CCDC102B: variants seen among roughly 807,000 people sequenced by gnomAD.
The protein encoded by CCDC102B is coiled-coil domain-containing protein 102B.
CCDC102B carries 75 observed loss-of-function variants against 57.4 expected under a neutral mutation model. The observed-to-expected ratio is 1.31, with a 90% CI of 1.08 to 1.58. CCDC102B has a LOEUF of 1.58. Ranked by LOEUF, CCDC102B falls within the 40% of genes most tolerant of loss-of-function variation. The pLI is 0.00. For synonymous variants in CCDC102B, 206 were observed against 201.9 expected (o/e 1.02, Z -0.17); for missense variants, 636 against 582.6 (o/e 1.09, Z -0.94).
chr18:68,861,605 T>C (rs1475652997), intron 4 of CCDC102B, among the ~76,000 whole-genome samples: 1 of 152,312 alleles, frequency 6.6e-6, no homozygotes, highest in East Asian at 1.9e-4. Flanking sequence ...CTGTGAATTA[T>C]GAGGTTTTCC....
intron 4 of CCDC102B, among the ~76,000 whole-genome samples, chr18:68,861,337 A>T (rs1402260750): frequency 1.3e-5 from 2 of 150,500 alleles, no homozygotes; most frequent in Non-Finnish European, 3.0e-5. Context: ...TTTTTCTATT[A>T]ATTTGCATGA....
chr18:68,966,289 A>G (rs765008501), intron 6 of CCDC102B, among the ~76,000 whole-genome samples: 6 of 152,042 alleles, frequency 3.9e-5, no homozygotes, highest in Non-Finnish European at 7.4e-5. Flanking sequence ...TCTTGTTCTG[A>G]TGACTGCCTT....
intron 6 of CCDC102B, among the ~76,000 whole-genome samples, chr18:68,948,636 T>G (rs1029251669): frequency 7.9e-5 from 12 of 152,050 alleles, no homozygotes; most frequent in Admixed American, 2.0e-4. Context: ...CTCTGCTAAC[T>G]TCCCCATTTC....
At chr18:68,766,988 CAG>C (rs77696035) in intron 2 of CCDC102B, among the ~76,000 whole-genome samples, 19,984 of 152,078 alleles carry the variant, frequency 0.13, 1,574 homozygotes, top group East Asian at 0.3. Context: ...AATGTTAAAA[CAG>C]AGATATTAAA....
At chr18:68,729,250 C>A (rs1332482537) in intron 2 of CCDC102B, among the ~76,000 whole-genome samples, 1 of 152,154 alleles carries the variant, frequency 6.6e-6, no homozygotes, top group Non-Finnish European at 1.5e-5. Context: ...GGATAGATAA[C>A]ATCACAAGAT....
chr18:68,726,708 C>T (rs369891226), intron 2 of CCDC102B, among the ~76,000 whole-genome samples: 2 of 152,162 alleles, frequency 1.3e-5, no homozygotes, highest in Non-Finnish European at 2.9e-5. Context: ...TTGAATTCCT[C>T]CCTGCATATT....
intron 6 of CCDC102B, among the ~76,000 whole-genome samples, chr18:68,920,436 A>C (rs559246436): frequency 8.3e-4 from 126 of 152,234 alleles, no homozygotes; most frequent in African/African-American, 2.9e-3. Context: ...GTCCACTTTT[A>C]GGTACTGTGG....
At chr18:68,807,964 C>T (rs897853726) in intron 1 of CCDC102B, among the ~76,000 whole-genome samples, 1 of 151,962 alleles carries the variant, frequency 6.6e-6, no homozygotes, top group Non-Finnish European at 1.5e-5. Context: ...CAGGGATGAA[C>T]GTTTCACTAG....
chr18:68,742,060 C>T (rs1443581433), intron 2 of CCDC102B, among the ~76,000 whole-genome samples: 1 of 152,188 alleles, frequency 6.6e-6, no homozygotes, highest in Non-Finnish European at 1.5e-5. Flanking sequence ...CAAGTGACTA[C>T]AAACTGGTGG....
At chr18:69,017,062 T>G (rs181365369) in intron 7 of CCDC102B, among the ~76,000 whole-genome samples, 118 of 143,930 alleles carry the variant, frequency 8.2e-4, no homozygotes, top group African/African-American at 2.6e-3. Flanking sequence ...CTTTCTGTGT[T>G]ATTAATAAGA....
At position 68,969,506 on chromosome 18, in the gene CCDC102B, C is replaced by A. The variant is rs563135131; in HGVS notation, c.1264-41428C>A. On this transcript the variant is annotated intron_variant, in intron 6 of 7. Coordinates refer to ENST00000360242, the MANE Select transcript of CCDC102B (RefSeq NM_024781.3). Reference sequence around the variant, plus strand: ...TTTTTTTTTTTTCGTTCCTTGTAGGCAACCATTCATTCTGTGAGATCAATC... The same window carrying A: ...TTTTTTTTTTTTCGTTCCTTGTAGGAAACCATTCATTCTGTGAGATCAATC... Among the ~76,000 whole-genome samples the A allele has an allele frequency of 4.1e-5, 6 of 144,912 alleles. No homozygotes were observed. In the East Asian group the frequency reaches 1.2e-3, roughly 29 times the overall value.
chr18:68,904,203 T>C (rs2051299), intron 6 of CCDC102B, among the ~76,000 whole-genome samples: 137,039 of 152,118 alleles, frequency 0.9, 61,805 homozygotes, highest in Admixed American at 0.92. Context: ...ATAGCTGAAA[T>C]ACCCTAGAAA....
chr18:68,827,416 A>G (rs2036947619), intron 1 of CCDC102B, among the ~76,000 whole-genome samples: 1 of 152,128 alleles, frequency 6.6e-6, no homozygotes, highest in Non-Finnish European at 1.5e-5. Context: ...CTTCACTTGA[A>G]GTGATGAAAT....
chr18:68,846,505 C>A, intron 4 of CCDC102B, 84 bp downstream of exon 4: 1 of 821,810 alleles, frequency 1.2e-6, no homozygotes, highest in Non-Finnish European at 1.9e-6. Context: ...CAGAAAGGCA[C>A]AACAGATAAG....
At chr18:68,811,913 G>A (rs761165408) in intron 1 of CCDC102B, among the ~76,000 whole-genome samples, 80 of 152,284 alleles carry the variant, frequency 5.3e-4, no homozygotes, top group Non-Finnish European at 9.7e-4. Flanking sequence ...TTAATATGCT[G>A]AGAATGTTCA....
chr18:69,019,585 A>C (rs2051768720), intron 7 of CCDC102B, among the ~76,000 whole-genome samples: 1 of 152,070 alleles, frequency 6.6e-6, no homozygotes, highest in Admixed American at 6.6e-5. Context: ...CTTATCCAGC[A>C]ACTTTACTGA....
chr18:68,822,632 C>T (rs1258918737), intron 1 of CCDC102B, among the ~76,000 whole-genome samples: 1 of 152,036 alleles, frequency 6.6e-6, no homozygotes. Context: ...TTTTCAACTC[C>T]CCTCCTCCCA....
chr18:68,830,988 T>C (rs1207298145), intron 1 of CCDC102B, among the ~76,000 whole-genome samples: 1 of 152,018 alleles, frequency 6.6e-6, no homozygotes, highest in Non-Finnish European at 1.5e-5. Flanking sequence ...ATTTTGGATC[T>C]CTCTGTATTT....
At chr18:69,028,314 G>T (rs1030549761) in intron 7 of CCDC102B, among the ~76,000 whole-genome samples, 9 of 152,168 alleles carry the variant, frequency 5.9e-5, no homozygotes, top group Non-Finnish European at 8.8e-5. Context: ...TGAAAGGTTG[G>T]TAAGTTTCAA....
Sources: allele counts gnomAD v4.1 joint callset (sites outside exome capture counted in the v4.1 genomes callset), GRCh38; gene constraint gnomAD v4.1.1; transcripts MANE v1.5; gene names NCBI Gene and HGNC (gene_info 2026-07-23, HGNC 2026-07-21).